Variants in IL1RAPL1 observed in about 807,000 individuals in gnomAD.
IL1RAPL1 encodes interleukin-1 receptor accessory protein-like 1.
A neutral mutation model predicts 48.4 loss-of-function variants in IL1RAPL1; 3 were observed. The ratio of observed to expected loss-of-function variants is 0.06; its 90% CI spans 0.03 to 0.16. The LOEUF is 0.16. IL1RAPL1 is among the 10% of genes least tolerant of loss of function. The pLI, the probability that IL1RAPL1 is intolerant of heterozygous loss-of-function variation, is 1.00. For missense variants in IL1RAPL1, 349 were observed against 530.6 expected (o/e 0.66, Z 3.36); for synonymous variants, 185 against 187.7 (o/e 0.99, Z 0.12).
chrX:29,475,659 C>T (rs1031619664), intron 5 of IL1RAPL1, among the ~76,000 whole-genome samples: 29 of 111,762 alleles, frequency 2.6e-4, no homozygotes, highest in African/African-American at 9.1e-4. Context: ...GACATTGTTT[C>T]AAAATGTGCA....
intron 3 of IL1RAPL1, among the ~76,000 whole-genome samples, chrX:29,353,609 T>C (rs1933262801): frequency 9.0e-6 from 1 of 111,165 alleles, no homozygotes; most frequent in Non-Finnish European, 1.9e-5. Flanking sequence ...TCTGAAACTT[T>C]ATGATTTCTT....
intron 2 of IL1RAPL1, among the ~76,000 whole-genome samples, chrX:28,981,732 G>T (rs1406393469): frequency 2.7e-5 from 3 of 111,603 alleles, no homozygotes; most frequent in African/African-American, 9.8e-5. Context: ...CTGAAATAGG[G>T]CCTGGCTCAT....
chrX:29,481,762 A>G (rs1190247477), intron 5 of IL1RAPL1, among the ~76,000 whole-genome samples: 1 of 112,247 alleles, frequency 8.9e-6, no homozygotes, highest in African/African-American at 3.2e-5. Context: ...GTCTACTTGC[A>G]TGGTCATGAC....
intron 1 of IL1RAPL1, among the ~76,000 whole-genome samples, chrX:28,779,711 G>A (rs929628069): frequency 2.3e-4 from 21 of 90,192 alleles, no homozygotes; most frequent in Non-Finnish European, 3.7e-4. Context: ...GCTAATTAGC[G>A]TATTGCTCAT....
At chrX:28,901,933 T>C (rs1923085575) in intron 2 of IL1RAPL1, among the ~76,000 whole-genome samples, 3 of 111,584 alleles carry the variant, frequency 2.7e-5, no homozygotes, top group Admixed American at 1.9e-4. Flanking sequence ...AACCCAGAAA[T>C]AATGGCTATG....
At chrX:29,083,782 GAGTAT>G (rs762817862) in intron 2 of IL1RAPL1, among the ~76,000 whole-genome samples, 7 of 112,070 alleles carry the variant, frequency 6.2e-5, no homozygotes, top group African/African-American at 1.6e-4. Context: ...TAGGTACATA[GAGTAT>G]AGTAAAGTGA....
intron 8 of IL1RAPL1, among the ~76,000 whole-genome samples, chrX:29,931,950 A>C (rs1932954847): frequency 8.9e-6 from 1 of 112,644 alleles, no homozygotes; most frequent in Non-Finnish European, 1.9e-5. Flanking sequence ...AATTCCTAGT[A>C]GAGGGAAAGC....
intron 6 of IL1RAPL1, among the ~76,000 whole-genome samples, chrX:29,894,373 T>A (rs1932332418): frequency 1.8e-5 from 2 of 112,391 alleles, no homozygotes; most frequent in African/African-American, 6.5e-5. Flanking sequence ...ATAGAAAAAA[T>A]TGTAAAATGT....
At chrX:28,889,596 T>C (rs1922724670) in intron 2 of IL1RAPL1, among the ~76,000 whole-genome samples, 1 of 111,319 alleles carries the variant, frequency 9.0e-6, no homozygotes, top group African/African-American at 3.3e-5. Context: ...TTTTCACTCA[T>C]CTCTTCTCTC....
chrX:29,117,661 G>A (rs971216012), intron 2 of IL1RAPL1, among the ~76,000 whole-genome samples: 1 of 111,754 alleles, frequency 8.9e-6, no homozygotes, highest in Non-Finnish European at 1.9e-5. Flanking sequence ...ATAAAAGATA[G>A]GTTCTTACTT....
intron 2 of IL1RAPL1, among the ~76,000 whole-genome samples, chrX:28,867,890 A>G (rs1244051139): frequency 9.0e-6 from 1 of 111,348 alleles, no homozygotes; most frequent in Admixed American, 9.6e-5. Flanking sequence ...TCTAATTTCC[A>G]TTTTCTTATA....
At chrX:28,619,254 T>C (rs1177510812) in intron 1 of IL1RAPL1, among the ~76,000 whole-genome samples, 1 of 110,839 alleles carries the variant, frequency 9.0e-6, no homozygotes, top group Non-Finnish European at 1.9e-5. Flanking sequence ...CTTATCTCTT[T>C]TAAAGAGGTT....
At chrX:29,617,538 G>C (rs780424829) in intron 5 of IL1RAPL1, among the ~76,000 whole-genome samples, 7 of 111,824 alleles carry the variant, frequency 6.3e-5, no homozygotes, top group African/African-American at 2.3e-4. Flanking sequence ...TAACTGTCAT[G>C]CATTAGTGAG....
chrX:28,596,556 G>A (rs1389613989), intron 1 of IL1RAPL1, among the ~76,000 whole-genome samples: 1 of 110,959 alleles, frequency 9.0e-6, no homozygotes, highest in Admixed American at 9.6e-5. Flanking sequence ...CACATATACC[G>A]ACATCCCTTG....
At chrX:29,809,190 C>T (rs192423492) in intron 6 of IL1RAPL1, among the ~76,000 whole-genome samples, 37 of 107,864 alleles carry the variant, frequency 3.4e-4, no homozygotes, top group Admixed American at 4.0e-4. Context: ...CTCTGCCTCC[C>T]GGGTTCAAGC....
chrX:29,068,522 G>T, intron 2 of IL1RAPL1, among the ~76,000 whole-genome samples: 1 of 112,694 alleles, frequency 8.9e-6, no homozygotes, highest in Non-Finnish European at 1.9e-5. Context: ...AAGAGGACAC[G>T]AAGGTGAAGT....
intron 2 of IL1RAPL1, among the ~76,000 whole-genome samples, chrX:28,837,124 A>G (rs1268482344): frequency 1.8e-5 from 2 of 111,568 alleles, no homozygotes; most frequent in African/African-American, 3.2e-5. Flanking sequence ...ATATGCGTAT[A>G]CATTGTGGAA....
chrX:29,739,932 C>A (rs1340280712), intron 6 of IL1RAPL1, among the ~76,000 whole-genome samples: 1 of 108,009 alleles, frequency 9.3e-6, no homozygotes, highest in Non-Finnish European at 1.9e-5. Context: ...TGGTGGTAGG[C>A]GCCTGTAATC....
At chrX:29,743,234 A>G (rs1928251802) in intron 6 of IL1RAPL1, among the ~76,000 whole-genome samples, 1 of 107,713 alleles carries the variant, frequency 9.3e-6, no homozygotes, top group Non-Finnish European at 1.9e-5. Context: ...TAAAATTTTT[A>G]CATATAATTA....
Sources: allele counts gnomAD v4.1 joint callset (sites outside exome capture counted in the v4.1 genomes callset), GRCh38; gene constraint gnomAD v4.1.1; transcripts MANE v1.5; gene names NCBI Gene and HGNC (gene_info 2026-07-23, HGNC 2026-07-21).